TMEM232: variants seen among roughly 807,000 people sequenced by gnomAD.
TMEM232 encodes transmembrane protein 232.
TMEM232 carries 80 observed loss-of-function variants against 78.8 expected under a neutral mutation model. The observed-to-expected ratio is 1.01, with a 90% confidence interval of 0.85 to 1.22. The LOEUF (loss-of-function observed/expected upper bound fraction) is 1.22. TMEM232 is among the 50% of genes most tolerant of loss of function. TMEM232 has a pLI of 0.00. For synonymous variants in TMEM232, 297 were observed against 254.3 expected (o/e 1.17, Z -1.60); for missense variants, 881 against 742.2 (o/e 1.19, Z -2.17).
chr5:110,653,055 C>T lies in TMEM232; in HGVS notation c.126-10684G>A, dbSNP rs1788554965. On this transcript the variant is annotated intron_variant, in intron 2 of 13. Coordinates refer to ENST00000455884, the MANE Select transcript of TMEM232 (RefSeq NM_001039763.4). ...AGCTGACAATTCATTTGTTCAATAA[C>T]TATTTAATGAAAGCCTCCTACATAC... Among the ~76,000 whole-genome samples the T allele has an allele frequency of 3.3e-5, 5 of 152,144 alleles. No individual in the cohort carries two copies. In the South Asian group the frequency reaches 1.0e-3, roughly 31 times the overall value.
intron 12 of TMEM232, among the ~76,000 whole-genome samples, chr5:110,495,981 T>C (rs1765598385): frequency 6.6e-6 from 1 of 151,732 alleles, no homozygotes; most frequent in South Asian, 2.1e-4. Flanking sequence ...ACAGAGGCAT[T>C]ATTATTATTA....
chr5:110,397,513 C>T (rs968327976), intron 3 of TMEM232, among the ~76,000 whole-genome samples: 2 of 152,044 alleles, frequency 1.3e-5, no homozygotes, highest in African/African-American at 4.8e-5. Flanking sequence ...AGATAATTGC[C>T]TTGAGTCATT....
intron 12 of TMEM232, among the ~76,000 whole-genome samples, chr5:110,461,289 T>C (rs983471660): frequency 6.6e-6 from 1 of 151,756 alleles, no homozygotes; most frequent in African/African-American, 2.4e-5. Flanking sequence ...ATTGCTGATA[T>C]GGAGAAAGTT....
intron 12 of TMEM232, among the ~76,000 whole-genome samples, chr5:110,528,349 C>A (rs1356670648): frequency 6.6e-6 from 1 of 151,534 alleles, no homozygotes; most frequent in Non-Finnish European, 1.5e-5. Flanking sequence ...ATTTACCTCA[C>A]AAGAATTACA....
At chr5:110,682,376 A>T (rs894639160) in intron 1 of TMEM232, among the ~76,000 whole-genome samples, 1 of 152,038 alleles carries the variant, frequency 6.6e-6, no homozygotes, top group Non-Finnish European at 1.5e-5. Context: ...AAATAATGAA[A>T]TGAAAGGTTA....
chr5:110,424,455 T>A (rs1757024519), intron 13 of TMEM232, among the ~76,000 whole-genome samples: 1 of 152,146 alleles, frequency 6.6e-6, no homozygotes, highest in South Asian at 2.1e-4. Context: ...TTCTGATCTG[T>A]CAAGGGTAAA....
At chr5:110,613,539 C>A (rs970594270) in intron 8 of TMEM232, among the ~76,000 whole-genome samples, 2 of 152,130 alleles carry the variant, frequency 1.3e-5, no homozygotes, top group African/African-American at 4.8e-5. Flanking sequence ...TGGTCACTGG[C>A]ATTGAACTTT....
rs116325419 is a variant in TMEM232 at position 110,719,694 on chromosome 5, C to T, written c.-13+6933G>A. Among the ~76,000 whole-genome samples, 273 of 152,122 alleles carry T rather than the reference C, an allele frequency of 1.8e-3. 2 individuals carry two copies. The highest frequency in any genetic ancestry group is 6.3e-3 in the African/African-American group (260 of 41,520). On this transcript the variant is annotated intron_variant, in intron 1 of 13. Coordinates refer to ENST00000455884, the MANE Select transcript of TMEM232 (RefSeq NM_001039763.4). ...ATTTTAGTAAATTATATTTGTTCCA[C>T]TCTGTGAAGCTTTTGATGCCACTCT...
At chr5:110,457,594 C>G (rs769596764) in intron 12 of TMEM232, among the ~76,000 whole-genome samples, 1 of 151,904 alleles carries the variant, frequency 6.6e-6, no homozygotes, top group Non-Finnish European at 1.5e-5. Context: ...AACTGGAAAT[C>G]AAATGTCCTT....
chr5:110,693,038 A>T (rs1794324286), intron 1 of TMEM232, among the ~76,000 whole-genome samples: 2 of 152,194 alleles, frequency 1.3e-5, no homozygotes, highest in Non-Finnish European at 2.9e-5. Context: ...GAGTAGCCTA[A>T]CTGGGAAGCA....
intron 12 of TMEM232, among the ~76,000 whole-genome samples, chr5:110,463,230 A>G (rs1178520889): frequency 6.6e-6 from 1 of 152,178 alleles, no homozygotes; most frequent in Non-Finnish European, 1.5e-5. Context: ...CATCAACATC[A>G]AGGCAAGGCA....
At chr5:110,698,155 G>T (rs1051146416) in intron 1 of TMEM232, among the ~76,000 whole-genome samples, 12 of 152,108 alleles carry the variant, frequency 7.9e-5, no homozygotes, top group African/African-American at 2.7e-4. Flanking sequence ...GATGAAACTA[G>T]AAACCATCAT....
intron 2 of TMEM232, among the ~76,000 whole-genome samples, chr5:110,660,459 T>C (rs1789631130): frequency 6.6e-6 from 1 of 151,684 alleles, no homozygotes; most frequent in Non-Finnish European, 1.5e-5. Flanking sequence ...AGGCAAATGA[T>C]AAACAAGTCC....
intron 2 of TMEM232, among the ~76,000 whole-genome samples, chr5:110,666,058 C>T (rs1790545638): frequency 1.3e-5 from 2 of 152,128 alleles, no homozygotes; most frequent in African/African-American, 2.4e-5. Flanking sequence ...CACTGCACTC[C>T]AGCCTGGATG....
At chr5:110,399,973 C>T (rs146327467) in intron 2 of TMEM232, among the ~76,000 whole-genome samples, 24 of 152,188 alleles carry the variant, frequency 1.6e-4, no homozygotes, top group African/African-American at 5.5e-4. Flanking sequence ...GGGTCCATTG[C>T]GGGGTGGAGA....
At chr5:110,520,050 T>TATATATATATATAGAGAG (rs374219408) in intron 12 of TMEM232, among the ~76,000 whole-genome samples, 2 of 147,232 alleles carry the variant, frequency 1.4e-5, no homozygotes, top group African/African-American at 5.0e-5. Flanking sequence ...TATATATATA[T>TATATATATATATAGAGAG]AGAGAGAGAG....
chr5:110,558,896 G>A (rs756569162), intron 11 of TMEM232, among the ~76,000 whole-genome samples: 58 of 152,070 alleles, frequency 3.8e-4, no homozygotes, highest in Non-Finnish European at 6.9e-4. Context: ...CCACCTCTAG[G>A]GGCCGTCTGG....
chr5:110,445,718 G>A (rs1408761711), intron 12 of TMEM232, among the ~76,000 whole-genome samples: 1 of 152,168 alleles, frequency 6.6e-6, no homozygotes, highest in African/African-American at 2.4e-5. Flanking sequence ...TATGGGAAGA[G>A]TCACTTACAA....
At chr5:110,543,443 G>T (rs1237172315) in intron 11 of TMEM232, among the ~76,000 whole-genome samples, 1 of 152,086 alleles carries the variant, frequency 6.6e-6, no homozygotes, top group Non-Finnish European at 1.5e-5. Context: ...GCAAGAAGTT[G>T]CCAGGAAGGA....
Sources: allele counts gnomAD v4.1 joint callset (sites outside exome capture counted in the v4.1 genomes callset), GRCh38; gene constraint gnomAD v4.1.1; transcripts MANE v1.5; gene names NCBI Gene and HGNC (gene_info 2026-07-23, HGNC 2026-07-21).